The following SCLT1 variants were observed in gnomAD, a reference collection of about 807,000 sequenced individuals.
The protein encoded by SCLT1 is sodium channel and clathrin linker 1.
In SCLT1, 78 loss-of-function variants were observed where a neutral mutation model predicts 112.8. The ratio of observed to expected loss-of-function variants is 0.69; its 90% CI spans 0.58 to 0.83. SCLT1 has a LOEUF of 0.83. SCLT1 is among the 40% of genes least tolerant of loss of function. SCLT1 has a pLI of 0.00. For missense variants in SCLT1, 747 were observed against 770.4 expected, an observed-to-expected ratio of 0.97 and a Z score of 0.36; for synonymous variants, 257 against 254.7, an observed-to-expected ratio of 1.01 and a Z score of -0.09.
chr4:128,914,284 T>C (rs1197865800), intron 18 of SCLT1, among the ~76,000 whole-genome samples: 1 of 151,712 alleles, frequency 6.6e-6, no homozygotes, highest in Non-Finnish European at 1.5e-5. Context: ...GAGAATGGCA[T>C]GAACCCAGGA....
intron 4 of SCLT1, among the ~76,000 whole-genome samples, chr4:128,876,267 C>A (rs1253464821): frequency 6.6e-6 from 1 of 152,150 alleles, no homozygotes; most frequent in Non-Finnish European, 1.5e-5. Flanking sequence ...CTTCTCATTT[C>A]TCCTTAGTGA....
chr4:129,021,275 G>C (rs868829139), intron 5 of SCLT1, among the ~76,000 whole-genome samples: 2 of 152,168 alleles, frequency 1.3e-5, no homozygotes, highest in Admixed American at 6.5e-5. Context: ...AGGGCCCTGA[G>C]TTTCAAGCAC....
At chr4:128,954,050 T>A (rs1739010349) in intron 13 of SCLT1, among the ~76,000 whole-genome samples, 1 of 152,054 alleles carries the variant, frequency 6.6e-6, no homozygotes, top group African/African-American at 2.4e-5. Context: ...CTCATCAGGA[T>A]TTCGCTATGA....
Position 129,043,448 on chromosome 4 carries a change from T to C in SCLT1, c.181A>G (p.Thr61Ala). 6.5e-7 allele frequency: 1 copy of C among 1,532,030 alleles called. No individual in the cohort carries two copies. The highest frequency in any genetic ancestry group is 9.0e-7 in the Non-Finnish European group (1 of 1,116,440). The allele number at this position is 1,532,030 out of a possible 1,614,324, so 94.9% of individuals were successfully genotyped here. ...FDQSFLAPLV[T>A]EYDKHLGELN... Reference sequence around the variant, plus strand: ...TCTCCTAGGTGTTTATCATACTCAGTAACAAGAGGAGCTAAAAAGCTAAAA... The same window carrying C: ...TCTCCTAGGTGTTTATCATACTCAGCAACAAGAGGAGCTAAAAAGCTAAAA... Residue 61 changes from threonine to alanine, a missense_variant, in exon 4 of 21, where the codon ACT becomes GCT. Physicochemically the swap from Thr to Ala is moderately conservative, Grantham distance 58. This residue lies in a region of SCLT1 where 723 missense variants were observed against 721.3 expected (regional missense o/e 1.00). Transcript: ENST00000281142.
intron 11 of SCLT1, among the ~76,000 whole-genome samples, chr4:128,963,302 G>A (rs554246106): frequency 6.6e-6 from 1 of 152,228 alleles, no homozygotes; most frequent in South Asian, 2.1e-4. Flanking sequence ...TTTCCCTACT[G>A]ATGATAATCC....
chr4:128,926,265 A>G (rs539443866), intron 18 of SCLT1, among the ~76,000 whole-genome samples: 1 of 152,114 alleles, frequency 6.6e-6, no homozygotes, highest in African/African-American at 2.4e-5. Flanking sequence ...GTTTAGTTTT[A>G]ACAATAGGAT....
chr4:128,887,440 A>T (rs1391270249), intron 20 of SCLT1, among the ~76,000 whole-genome samples: 1 of 152,194 alleles, frequency 6.6e-6, no homozygotes, highest in East Asian at 1.9e-4. Flanking sequence ...ACATAAACTG[A>T]ATTCAGCAAG....
chr4:129,013,302 C>T (rs777404795), intron 5 of SCLT1, among the ~76,000 whole-genome samples: 2 of 152,146 alleles, frequency 1.3e-5, no homozygotes, highest in Non-Finnish European at 2.9e-5. Context: ...AGGCATTTAG[C>T]CCATTTACAT....
At chr4:129,083,576 G>C (rs963809356) in intron 1 of SCLT1, among the ~76,000 whole-genome samples, 7 of 151,994 alleles carry the variant, frequency 4.6e-5, no homozygotes, top group African/African-American at 1.7e-4. Context: ...AGAATCACTG[G>C]AGCCTAGGAG....
chr4:128,917,066 A>G (rs993233355), intron 18 of SCLT1, among the ~76,000 whole-genome samples: 1 of 152,200 alleles, frequency 6.6e-6, no homozygotes, highest in Non-Finnish European at 1.5e-5. Context: ...GAACTTGTTC[A>G]CATCAGCCAA....
At chr4:128,909,540 A>T (rs561242436) in intron 18 of SCLT1, among the ~76,000 whole-genome samples, 72 of 152,200 alleles carry the variant, frequency 4.7e-4, no homozygotes, top group Non-Finnish European at 8.2e-4. Flanking sequence ...GAGCCACTGC[A>T]CCCAGCCTCT....
chr4:128,976,913 G>A (rs950681701), intron 9 of SCLT1, among the ~76,000 whole-genome samples: 7 of 152,188 alleles, frequency 4.6e-5, no homozygotes, highest in African/African-American at 1.4e-4. Flanking sequence ...CAATGTCAAT[G>A]ACCTTAATTG....
chr4:129,024,042 C>A (rs1309154449), intron 5 of SCLT1, among the ~76,000 whole-genome samples: 2 of 152,234 alleles, frequency 1.3e-5, no homozygotes, highest in Non-Finnish European at 2.9e-5. Flanking sequence ...CCGGGAAGCT[C>A]GAACTGGGTG....
At chr4:128,922,483 A>C (rs893634143) in intron 18 of SCLT1, among the ~76,000 whole-genome samples, 1 of 152,202 alleles carries the variant, frequency 6.6e-6, no homozygotes, top group Non-Finnish European at 1.5e-5. Flanking sequence ...AAAAAGAATG[A>C]GATTATGTCC....
chr4:129,003,347 T>C lies in SCLT1; in HGVS notation c.426+394A>G, dbSNP rs141757659. 7.9e-3 allele frequency among the ~76,000 whole-genome samples: 1,185 copies of C among 150,682 alleles called. 13 individuals carry two copies. The highest frequency in any genetic ancestry group is 0.028 in the African/African-American group (1,138 of 40,956). ...ATACCTAACATAGATGATGGGTTGA[T>C]GGGTGCAGCAAACCACCATGGCATG... On this transcript the variant is annotated intron_variant, in intron 6 of 20. Transcript: ENST00000281142.
intron 18 of SCLT1, among the ~76,000 whole-genome samples, chr4:128,908,924 CT>C (rs1734893424): frequency 6.6e-6 from 1 of 152,098 alleles, no homozygotes; most frequent in Non-Finnish European, 1.5e-5. Context: ...AATAATAAAC[CT>C]TTGTTTTGTT....
chr4:128,959,730 G>A lies in SCLT1; in HGVS notation c.917C>T (p.Thr306Ile). ...CTCTCTGGTCTGTTTTTCCAGATGT[G>A]TATTTTCGGTTCTTAATTGGTTGGC... ...QEANQLRTEN[T>I]HLEKQTRELQ... is the part of the protein sequence containing the mutation. The change falls in exon 12 of 21, where the codon ACA (threonine) becomes ATA (isoleucine). Residue 306 changes from threonine (T) to isoleucine (I), a missense_variant. Thr to Ile is a moderately conservative substitution (Grantham distance 89). This residue lies in a region of SCLT1 where 723 missense variants were observed against 721.3 expected (regional missense o/e 1.00). Transcript: ENST00000281142. 1 of 1,613,286 alleles carries A rather than the reference G, an allele frequency of 6.2e-7. No homozygotes were observed. The highest frequency in any genetic ancestry group is 8.5e-7 in the Non-Finnish European group (1 of 1,179,564).
chr4:129,014,706 C>T (rs1360099445), intron 5 of SCLT1, among the ~76,000 whole-genome samples: 2 of 152,204 alleles, frequency 1.3e-5, no homozygotes, highest in African/African-American at 2.4e-5. Context: ...TGCTTCTGGA[C>T]CACTGGTCAC....
chr4:128,903,568 T>G (rs1734482025), intron 18 of SCLT1, among the ~76,000 whole-genome samples: 1 of 152,200 alleles, frequency 6.6e-6, no homozygotes, highest in African/African-American at 2.4e-5. Context: ...TGGTATTTAT[T>G]TAGACTTATT....
Sources: gnomAD v4.1 joint callset for allele counts (sites outside exome capture counted in the v4.1 genomes callset) on GRCh38, gnomAD v4.1.1 for gene constraint, gnomAD v4.1.1 regional missense constraint, MANE v1.5 for transcripts, NCBI Gene and HGNC (gene_info 2026-07-23, HGNC 2026-07-21) for gene names.